Variants in IQSEC1 observed in about 807,000 individuals in gnomAD.
The protein encoded by IQSEC1 is IQ motif and Sec7 domain ArfGEF 1.
A neutral mutation model predicts 91.0 loss-of-function variants in IQSEC1; 31 were observed. The ratio of observed to expected loss-of-function variants is 0.34; its 90% confidence interval spans 0.26 to 0.46. IQSEC1 has a LOEUF of 0.46. Among genes scored for constraint, IQSEC1 ranks in the 20% least tolerant of loss-of-function variants. The pLI is 1.00. For synonymous variants in IQSEC1, 699 were observed against 662.6 expected (o/e 1.05, Z -0.84); for missense variants, 1,388 against 1,575.6 (o/e 0.88, Z 2.02).
intron 1 of IQSEC1, among the ~76,000 whole-genome samples, chr3:12,997,219 G>A (rs184988697): frequency 2.6e-5 from 4 of 152,306 alleles, no homozygotes; most frequent in Non-Finnish European, 5.9e-5. Context: ...ATCCTTTTGT[G>A]TACAAGTTAA....
intron 2 of IQSEC1, among the ~76,000 whole-genome samples, chr3:13,145,574 G>A (rs1295481750): frequency 1.3e-5 from 2 of 152,282 alleles, no homozygotes; most frequent in South Asian, 2.1e-4. Context: ...CAAGCAGGAG[G>A]GAAAGAGACA....
intron 1 of IQSEC1, among the ~76,000 whole-genome samples, chr3:13,276,080 C>CTTT (rs796663192): frequency 0.29 from 23,022 of 79,068 alleles, 8,080 homozygotes; most frequent in East Asian, 0.67. Context: ...CAAAAGCATT[C>CTTT]TTTTTTTTTT....
chr3:13,095,819 C>T (rs542809805), intron 2 of IQSEC1, among the ~76,000 whole-genome samples: 5 of 152,178 alleles, frequency 3.3e-5, no homozygotes, highest in Admixed American at 3.3e-4. Flanking sequence ...CACAGCCCCA[C>T]GCAAAAGCGC....
intron 1 of IQSEC1, among the ~76,000 whole-genome samples, chr3:13,177,903 G>C (rs1210385465): frequency 2.6e-5 from 4 of 152,178 alleles, no homozygotes; most frequent in African/African-American, 9.7e-5. Flanking sequence ...TGACACTAGA[G>C]GGTACAGATG....
At chr3:13,023,405 A>G (rs781488440) in intron 1 of IQSEC1, among the ~76,000 whole-genome samples, 1 of 152,152 alleles carries the variant, frequency 6.6e-6, no homozygotes, top group Non-Finnish European at 1.5e-5. Context: ...ATCAAGGTCA[A>G]CACTCACAGA....
intron 1 of IQSEC1, among the ~76,000 whole-genome samples, chr3:13,173,616 G>A (rs941051972): frequency 3.3e-5 from 5 of 152,220 alleles, no homozygotes; most frequent in Non-Finnish European, 7.3e-5. Flanking sequence ...CAACATGAAG[G>A]TTCCATTTGT....
intron 1 of IQSEC1, among the ~76,000 whole-genome samples, chr3:13,237,117 C>T (rs898781400): frequency 1.3e-5 from 2 of 152,258 alleles, no homozygotes; most frequent in African/African-American, 4.8e-5. Context: ...CCACTTTCCT[C>T]TGATTTCCAT....
intron 1 of IQSEC1, among the ~76,000 whole-genome samples, chr3:12,954,895 G>A (rs1699802500): frequency 6.6e-6 from 1 of 152,244 alleles, no homozygotes; most frequent in African/African-American, 2.4e-5. Flanking sequence ...GAGCGGGGCA[G>A]AACGGGTCCT....
chr3:13,242,169 A>G (rs1423200064), intron 1 of IQSEC1, among the ~76,000 whole-genome samples: 3 of 152,190 alleles, frequency 2.0e-5, no homozygotes, highest in African/African-American at 7.2e-5. Context: ...CACATGGGCA[A>G]CCAAGAAATG....
intron 1 of IQSEC1, among the ~76,000 whole-genome samples, chr3:13,068,746 C>T (rs1260923453): frequency 6.6e-6 from 1 of 152,214 alleles, no homozygotes; most frequent in South Asian, 2.1e-4. Flanking sequence ...CCGGGGCCCC[C>T]ACTCTTCTCC....
intron 1 of IQSEC1, among the ~76,000 whole-genome samples, chr3:13,278,723 G>A (rs921856439): frequency 6.6e-6 from 1 of 152,120 alleles, no homozygotes; most frequent in Non-Finnish European, 1.5e-5. Context: ...GGAGGCTGAG[G>A]CAGGAGAATT....
chr3:13,235,041 G>A (rs1312138509), intron 1 of IQSEC1, among the ~76,000 whole-genome samples: 2 of 152,168 alleles, frequency 1.3e-5, no homozygotes, highest in Non-Finnish European at 2.9e-5. Flanking sequence ...GACGGGCTCT[G>A]GGGGTCTAGC....
chr3:13,133,368 A>T (rs1268477317), intron 2 of IQSEC1, among the ~76,000 whole-genome samples: 1 of 152,248 alleles, frequency 6.6e-6, no homozygotes, highest in Non-Finnish European at 1.5e-5. Flanking sequence ...GCCCTTTTTA[A>T]ATGGCAAAGA....
rs555151394 is a variant in IQSEC1, at chr3:12,977,224, T to C, written c.24-35359A>G. Among the ~76,000 whole-genome samples the C allele has an allele frequency of 4.6e-5, 7 of 152,150 alleles. No individual in the cohort carries two copies. In the East Asian group the frequency reaches 1.4e-3, roughly 29 times the overall value. ...TTAGCCGGGTGTGGTGGCACATGCCTGTGGTTCCAGCTACTAGGGAGGTTG... is the reference window on the plus strand; with the variant it reads ...TTAGCCGGGTGTGGTGGCACATGCCCGTGGTTCCAGCTACTAGGGAGGTTG... On this transcript the variant is annotated intron_variant, in intron 1 of 13. Coordinates refer to ENST00000613206, the MANE Select transcript of IQSEC1 (RefSeq NM_001134382.3).
At chr3:13,016,205 C>T (rs934051358) in intron 1 of IQSEC1, among the ~76,000 whole-genome samples, 3 of 152,260 alleles carry the variant, frequency 2.0e-5, no homozygotes, top group African/African-American at 7.2e-5. Flanking sequence ...CCCATCCTGA[C>T]ATTGCCAGTG....
At chr3:13,137,550 T>C (rs1158552229) in intron 2 of IQSEC1, among the ~76,000 whole-genome samples, 2 of 152,220 alleles carry the variant, frequency 1.3e-5, no homozygotes, top group Admixed American at 1.3e-4. Context: ...TTCCAGGTTA[T>C]GGTGATCTCT....
chr3:13,111,884 C>T (rs565086559), intron 2 of IQSEC1, among the ~76,000 whole-genome samples: 33 of 152,260 alleles, frequency 2.2e-4, no homozygotes, highest in African/African-American at 7.7e-4. Context: ...GTAGTTTAAG[C>T]CCCCACAAGT....
chr3:12,941,759 A>T lies in IQSEC1; in HGVS notation c.130T>A (p.Tyr44Asn). ...TAGGCTCCCACTGACGTGTGCTCGT[A>T]GTGATCCGGGCTCAGGCTGGAACCG... is the stretch of plus-strand genomic sequence containing the variant. ...VPGSSLSPDH[Y>N]EHTSVGAYGL... Residue 44 changes from tyrosine (Y) to asparagine (N), a missense_variant, in exon 2 of 14, where the codon TAC becomes AAC. Transcript: ENST00000613206. 6.2e-7 allele frequency: 1 copy of T among 1,612,174 alleles called. No homozygotes were observed. The highest frequency in any genetic ancestry group is 8.5e-7 in the Non-Finnish European group (1 of 1,179,932).
intron 1 of IQSEC1, among the ~76,000 whole-genome samples, chr3:13,051,187 C>T (rs1326084239): frequency 6.6e-6 from 1 of 152,178 alleles, no homozygotes; most frequent in Non-Finnish European, 1.5e-5. Flanking sequence ...GGGCTCCAGC[C>T]CCTCCTCCAT....
Sources: gnomAD v4.1 joint callset for allele counts (sites outside exome capture counted in the v4.1 genomes callset) on GRCh38, gnomAD v4.1.1 for gene constraint, MANE v1.5 for transcripts, NCBI Gene and HGNC (gene_info 2026-07-23, HGNC 2026-07-21) for gene names.